ADAMTSL1: variants seen among roughly 807,000 people sequenced by gnomAD.
ADAMTSL1 encodes ADAMTS like 1.
In ADAMTSL1, 126 loss-of-function variants were observed where a neutral mutation model predicts 201.8. The observed-to-expected ratio is 0.62, with a 90% confidence interval of 0.54 to 0.72. The LOEUF is 0.72. ADAMTSL1 is among the 30% of genes least tolerant of loss of function. The pLI is 0.00. For missense variants in ADAMTSL1, 2,679 were observed against 2,277.8 expected (o/e 1.18, Z -3.59); for synonymous variants, 1,121 against 903.4 (o/e 1.24, Z -4.32).
chr9:18,514,534 G>C (rs1037331252), intron 2 of ADAMTSL1, among the ~76,000 whole-genome samples: 1 of 151,780 alleles, frequency 6.6e-6, no homozygotes, highest in East Asian at 1.9e-4. Flanking sequence ...GTTTCACCGT[G>C]TTCACCAGGA....
intron 1 of ADAMTSL1, among the ~76,000 whole-genome samples, chr9:17,919,247 G>T (rs377098494): frequency 6.7e-6 from 1 of 149,968 alleles, no homozygotes; most frequent in Non-Finnish European, 1.5e-5. Flanking sequence ...ATTTTTTCTA[G>T]TACACTTCCT....
intron 2 of ADAMTSL1, among the ~76,000 whole-genome samples, chr9:18,221,483 T>TA (rs2132360589): frequency 6.6e-6 from 1 of 152,188 alleles, no homozygotes; most frequent in East Asian, 1.9e-4. Flanking sequence ...TCCTTCTTTT[T>TA]ATCTCTCTAT....
intron 2 of ADAMTSL1, among the ~76,000 whole-genome samples, chr9:18,303,751 A>T (rs186445333): frequency 6.6e-6 from 1 of 152,286 alleles, no homozygotes; most frequent in Non-Finnish European, 1.5e-5. Flanking sequence ...TAATGAGGAG[A>T]AGGGTGATGG....
intron 2 of ADAMTSL1, among the ~76,000 whole-genome samples, chr9:18,305,754 G>A (rs1175483961): frequency 6.6e-6 from 1 of 152,200 alleles, no homozygotes; most frequent in Non-Finnish European, 1.5e-5. Context: ...CACAGCACTT[G>A]GGGGATGGGG....
intron 1 of ADAMTSL1, among the ~76,000 whole-genome samples, chr9:18,028,190 C>T (rs943681156): frequency 3.3e-5 from 5 of 151,930 alleles, no homozygotes; most frequent in Non-Finnish European, 5.9e-5. Context: ...TTGTTCCTGT[C>T]GTGATATTGT....
chr9:17,940,816 A>G (rs1401687565), intron 1 of ADAMTSL1, among the ~76,000 whole-genome samples: 1 of 96,274 alleles, frequency 1.0e-5, no homozygotes, highest in Non-Finnish European at 2.3e-5. Context: ...CCCCCCCAAA[A>G]AAAAGAAAGA....
intron 2 of ADAMTSL1, among the ~76,000 whole-genome samples, chr9:18,369,745 C>A (rs767883351): frequency 2.0e-5 from 3 of 152,154 alleles, no homozygotes; most frequent in East Asian, 1.9e-4. Context: ...ATGGAATCAA[C>A]CTAAGTGTCC....
intron 14 of ADAMTSL1, among the ~76,000 whole-genome samples, chr9:18,713,361 C>A (rs1246783435): frequency 1.3e-5 from 2 of 152,090 alleles, no homozygotes; most frequent in Non-Finnish European, 2.9e-5. Context: ...ACCCATCTCA[C>A]GTGCAGAGAC....
At position 18,777,398 on chromosome 9, in the gene ADAMTSL1, G is replaced by A. The variant is rs938056562; in HGVS notation, c.3169G>A (p.Asp1057Asn). 1 of 1,603,020 alleles carries A rather than the reference G, an allele frequency of 6.2e-7. No homozygotes were observed. Among genetic ancestry groups the A allele is most frequent in the Non-Finnish European group, 8.5e-7 (1 of 1,175,404 alleles). Residue 1057 changes from aspartate to asparagine, a missense_variant, in exon 19 of 29, where the codon GAC becomes AAC. Physicochemically the swap from Asp to Asn is conservative, Grantham distance 23. Coordinates refer to ENST00000380548, the MANE Select transcript of ADAMTSL1 (RefSeq NM_001040272.6). ...SAERNTTSEE[D>N]PGAEQVLLHL... ...GGAAAGGAACACGACCTCGGAGGAG[G>A]ACCCGGGTGCAGAGCAAGTGCTCCT...
intron 1 of ADAMTSL1, among the ~76,000 whole-genome samples, chr9:18,156,595 G>A (rs911831279): frequency 6.6e-6 from 1 of 151,606 alleles, no homozygotes; most frequent in Non-Finnish European, 1.5e-5. Context: ...GGCATCGAAT[G>A]AGTATTTTAC....
intron 2 of ADAMTSL1, among the ~76,000 whole-genome samples, chr9:18,251,256 G>T (rs1241321625): frequency 1.3e-5 from 2 of 152,090 alleles, no homozygotes; most frequent in African/African-American, 4.8e-5. Context: ...GCACTCATAA[G>T]AGTTCTAGAA....
chr9:18,177,953 G>A (rs1828251063), intron 2 of ADAMTSL1, among the ~76,000 whole-genome samples: 1 of 152,182 alleles, frequency 6.6e-6, no homozygotes, highest in Non-Finnish European at 1.5e-5. Context: ...AAATTCACTT[G>A]CCAGTGGCTT....
At chr9:18,809,412 CTG>C (rs1823365423) in intron 20 of ADAMTSL1, among the ~76,000 whole-genome samples, 1 of 152,156 alleles carries the variant, frequency 6.6e-6, no homozygotes, top group South Asian at 2.1e-4. Flanking sequence ...TGCTGGAGCA[CTG>C]TGATTGATGG....
chr9:18,757,774 G>A (rs987048660), intron 16 of ADAMTSL1, among the ~76,000 whole-genome samples: 5 of 152,096 alleles, frequency 3.3e-5, no homozygotes, highest in African/African-American at 1.2e-4. Context: ...AGACCACAAG[G>A]TCAATGAAGG....
chr9:18,712,302 G>C (rs1307016641), intron 14 of ADAMTSL1, among the ~76,000 whole-genome samples: 9 of 152,196 alleles, frequency 5.9e-5, no homozygotes, highest in Non-Finnish European at 1.3e-4. Context: ...ATTACTCCGA[G>C]CTATGGGAGG....
In ADAMTSL1 at chr9:18,466,630, T is replaced by C. The variant is rs1412717479; in HGVS notation, c.208-38199T>C. ...AATATATGCAATTTTATTTGTCAAT[T>C]ATTTAAAATAAATAATTGTTTTAAA... is the stretch of plus-strand genomic sequence containing the variant. On this transcript the variant is annotated intron_variant, in intron 2 of 29. Transcript: ENST00000680146. Among the ~76,000 whole-genome samples, 3 of 152,170 alleles carry C rather than the reference T, an allele frequency of 2.0e-5. No individual in the cohort carries two copies. In the East Asian group the frequency reaches 5.8e-4, roughly 29 times the overall value.
At chr9:18,821,833 G>A (rs1322322367) in intron 21 of ADAMTSL1, among the ~76,000 whole-genome samples, 1 of 152,118 alleles carries the variant, frequency 6.6e-6, no homozygotes, top group East Asian at 1.9e-4. Context: ...CCGCCATGGT[G>A]CAGGCAGCCT....
At chr9:18,617,822 A>G (rs2132646765) in intron 4 of ADAMTSL1, among the ~76,000 whole-genome samples, 1 of 152,300 alleles carries the variant, frequency 6.6e-6, no homozygotes, top group South Asian at 2.1e-4. Context: ...TGAGATTAAA[A>G]TATTGCAAAA....
Position 18,721,548 on chromosome 9 carries a change from C to T in ADAMTSL1, c.1889C>T (p.Ala630Val), listed in dbSNP as rs761155512. 2 of 1,613,936 alleles carry T rather than the reference C, an allele frequency of 1.2e-6. No individual in the cohort carries two copies. Among genetic ancestry groups the T allele is most frequent in the Non-Finnish European group, 1.7e-6 (2 of 1,179,870 alleles). ...GATTTGTACACAGGTGTCCAGGAGG[C>T]TGTGGTGAGCTGCTTGAACAAACAG... ...SESCGGGVQE[A>V]VVSCLNKQTR... The change falls in exon 15 of 29, where the codon GCT (alanine) becomes GTT (valine). Residue 630 changes from alanine (A) to valine (V), a missense_variant. Ala to Val is a moderately conservative substitution (Grantham distance 64, BLOSUM62 0). Transcript: ENST00000380548.
Sources: allele counts gnomAD v4.1 joint callset (sites outside exome capture counted in the v4.1 genomes callset), GRCh38; gene constraint gnomAD v4.1.1; transcripts MANE v1.5; gene names NCBI Gene and HGNC (gene_info 2026-07-23, HGNC 2026-07-21).